The following CDKL3 variants were observed in gnomAD, a reference collection of about 807,000 sequenced individuals.
CDKL3 encodes cyclin dependent kinase like 3.
Under a neutral mutation model 69.3 loss-of-function variants are expected in CDKL3, and 65 were observed. The observed-to-expected ratio is 0.94, with a 90% CI of 0.77 to 1.15. The LOEUF is 1.15. Ranked by LOEUF, CDKL3 falls within the 50% of genes most tolerant of loss-of-function variation. CDKL3 has a pLI of 0.00. For missense variants in CDKL3, 652 were observed against 689.2 expected (o/e 0.95, Z 0.61); for synonymous variants, 202 against 221.6 (o/e 0.91, Z 0.79).
intron 4 of CDKL3, among the ~76,000 whole-genome samples, chr5:134,347,739 C>T (rs1249964299): frequency 1.5e-5 from 2 of 132,224 alleles, no homozygotes; most frequent in African/African-American, 2.8e-5. Context: ...AGTACTAATA[C>T]ATGCTATGTT....
downstream of CDKL3, among the ~76,000 whole-genome samples, chr5:134,284,715 T>A (rs1233782048): frequency 1.3e-5 from 2 of 152,198 alleles, no homozygotes; most frequent in Non-Finnish European, 2.9e-5. Flanking sequence ...AAGGCATTCC[T>A]TTCCCAGGGT....
At chr5:134,309,954 C>T (rs948411618) in intron 7 of CDKL3, among the ~76,000 whole-genome samples, 1 of 152,072 alleles carries the variant, frequency 6.6e-6, no homozygotes. Flanking sequence ...CCTCAGCCTC[C>T]GTAGTAGCTG....
intron 4 of CDKL3, among the ~76,000 whole-genome samples, chr5:134,328,324 T>C (rs1263900459): frequency 6.6e-6 from 1 of 152,202 alleles, no homozygotes; most frequent in Non-Finnish European, 1.5e-5. Flanking sequence ...TCAAGAGATA[T>C]AAATTACATG....
rs775324742 is a variant in CDKL3 at position 134,304,453 on chromosome 5, G to A, written c.1573C>T (p.Pro525Ser). Residue 525 changes from proline (P) to serine (S), a missense_variant, in exon 11 of 13, where the codon CCA (proline) becomes TCA (serine). Physicochemically the swap from Pro to Ser is moderately conservative, Grantham distance 74. Transcript: ENST00000265334. ...SRSDRKEFHF[P>S]ELPVTIQSKD... ...GACTGTATTGTGACAGGCAATTCTG[G>A]AAAATGGAATTCTTTCCTGTCAGAT... 6.2e-7 allele frequency: 1 copy of A among 1,612,758 alleles called. No homozygotes were observed. Among genetic ancestry groups the A allele is most frequent in the Non-Finnish European group, 8.5e-7 (1 of 1,179,460 alleles).
At chr5:134,343,874 C>T (rs1272203854) in intron 4 of CDKL3, among the ~76,000 whole-genome samples, 2 of 152,200 alleles carry the variant, frequency 1.3e-5, no homozygotes, top group African/African-American at 2.4e-5. Context: ...AATAATAAAA[C>T]TCCAGTCTCC....
chr5:134,352,927 T>C (rs972775229), intron 3 of CDKL3, among the ~76,000 whole-genome samples: 3 of 152,188 alleles, frequency 2.0e-5, no homozygotes, highest in Non-Finnish European at 4.4e-5. Context: ...TTTTGTTTAA[T>C]GTAATCCCAT....
chr5:134,324,705 G>A (rs1580985363), intron 4 of CDKL3, among the ~76,000 whole-genome samples: 1 of 152,040 alleles, frequency 6.6e-6, no homozygotes, highest in African/African-American at 2.4e-5. Context: ...AGGGACGGAA[G>A]AATAAAAACG....
At chr5:134,314,774 G>C (rs935025485) in intron 6 of CDKL3, among the ~76,000 whole-genome samples, 1 of 152,148 alleles carries the variant, frequency 6.6e-6, no homozygotes, top group Non-Finnish European at 1.5e-5. Flanking sequence ...GGAATAGAAA[G>C]CAAATCAGTG....
At chr5:134,320,873 CA>C (rs879614985) in intron 5 of CDKL3, among the ~76,000 whole-genome samples, 110 of 115,546 alleles carry the variant, frequency 9.5e-4, no homozygotes, top group Admixed American at 1.0e-3. Flanking sequence ...GACTCCCTCT[CA>C]AAAAAAAAAA....
chr5:134,323,075 T>C (rs1773220706), intron 4 of CDKL3, among the ~76,000 whole-genome samples: 1 of 151,972 alleles, frequency 6.6e-6, no homozygotes. Flanking sequence ...GCAACATTCA[T>C]GAAAGAAATA....
chr5:134,342,403 C>T (rs1384226566), intron 4 of CDKL3, among the ~76,000 whole-genome samples: 1 of 151,878 alleles, frequency 6.6e-6, no homozygotes, highest in Non-Finnish European at 1.5e-5. Context: ...TCGAGACCAT[C>T]CTGGCTAACA....
intron 2 of CDKL3, among the ~76,000 whole-genome samples, chr5:134,362,379 C>T (rs547023716): frequency 3.3e-5 from 5 of 152,230 alleles, no homozygotes; most frequent in African/African-American, 7.2e-5. Context: ...ATTAGCCTGG[C>T]ATGATGGTCC....
intron 3 of CDKL3, among the ~76,000 whole-genome samples, chr5:134,353,425 C>T (rs1461491681): frequency 6.6e-6 from 1 of 152,160 alleles, no homozygotes; most frequent in Admixed American, 6.6e-5. Flanking sequence ...CAGGTCTCCC[C>T]AGCTGTCTCA....
upstream of CDKL3, chr5:134,371,328 A>C: frequency 1.7e-6 from 1 of 576,618 alleles, no homozygotes; most frequent in Non-Finnish European, 3.1e-6. Flanking sequence ...CCCAGGGGGA[A>C]CCGCGCCCCG....
chr5:134,370,147 G>A (rs1581307334), upstream of CDKL3, among the ~76,000 whole-genome samples: 1 of 152,194 alleles, frequency 6.6e-6, no homozygotes, highest in South Asian at 2.1e-4. Context: ...GGAATCAGGG[G>A]CAAGGCTGAG....
chr5:134,363,795 T>C (rs114934698), intron 2 of CDKL3, among the ~76,000 whole-genome samples: 2 of 151,896 alleles, frequency 1.3e-5, no homozygotes, highest in Admixed American at 6.6e-5. Flanking sequence ...ATGCCTAATA[T>C]ATTTCCTCAA....
At chr5:134,367,408 T>C, upstream of CDKL3, 1 of 978,806 alleles carries the variant, frequency 1.0e-6, no homozygotes, top group South Asian at 4.7e-5. Context: ...AGTCTAGCTC[T>C]GTCGCCCAGG....
At chr5:134,346,609 G>A (rs1391935350) in intron 4 of CDKL3, among the ~76,000 whole-genome samples, 1 of 152,110 alleles carries the variant, frequency 6.6e-6, no homozygotes, top group Non-Finnish European at 1.5e-5. Flanking sequence ...CGTTTTTCCT[G>A]CCTCAGTCTC....
chr5:134,366,576 T>C, intron 1 of CDKL3, 32 bp from the exon 2 acceptor site: 1 of 1,333,816 alleles, frequency 7.5e-7, no homozygotes, highest in Non-Finnish European at 1.0e-6. Context: ...AAATGGAAAA[T>C]GTTAAACGTT....
Sources: allele counts gnomAD v4.1 joint callset (sites outside exome capture counted in the v4.1 genomes callset), GRCh38; gene constraint gnomAD v4.1.1; transcripts MANE v1.5; gene names NCBI Gene and HGNC (gene_info 2026-07-23, HGNC 2026-07-21).